DCC: variants seen among roughly 807,000 people sequenced by gnomAD.
DCC encodes the protein netrin receptor DCC.
Under a neutral mutation model 172.5 loss-of-function variants are expected in DCC, and 58 were observed. The observed-to-expected ratio is 0.34, with a 90% CI of 0.27 to 0.42. The LOEUF (loss-of-function observed/expected upper bound fraction) is 0.42, where lower values mean the gene tolerates loss of function less well. Ranked by LOEUF, DCC falls within the 10% of genes least tolerant of loss-of-function variation. The pLI, the probability that DCC is intolerant of heterozygous loss-of-function variation, is 1.00. For synonymous variants in DCC, 709 were observed against 644.5 expected, an observed-to-expected ratio of 1.10 and a Z score of -1.52; for missense variants, 1,740 against 1,791.0, an observed-to-expected ratio of 0.97 and a Z score of 0.51.
At chr18:53,495,055 C>T (rs2046003290) in intron 26 of DCC, among the ~76,000 whole-genome samples, 1 of 152,118 alleles carries the variant, frequency 6.6e-6, no homozygotes. Flanking sequence ...TTCTCTTTCA[C>T]TTACAAAGCT....
At chr18:53,352,708 A>G (rs2057826721) in intron 15 of DCC, among the ~76,000 whole-genome samples, 1 of 152,142 alleles carries the variant, frequency 6.6e-6, no homozygotes, top group African/African-American at 2.4e-5. Context: ...AAGTGTTTAG[A>G]CCATTTACAT....
intron 1 of DCC, among the ~76,000 whole-genome samples, chr18:52,504,911 T>C (rs1352623130): frequency 6.6e-6 from 1 of 152,200 alleles, no homozygotes; most frequent in Non-Finnish European, 1.5e-5. Flanking sequence ...TGACATACAG[T>C]GAGCACCCTA....
chr18:53,189,151 TTGTA>T lies in DCC; in HGVS notation c.1573+10041_1573+10044del, dbSNP rs1325202061. 5.9e-5 allele frequency among the ~76,000 whole-genome samples: 9 copies of T among 152,250 alleles called. No individual in the cohort carries two copies. In the East Asian group the frequency reaches 1.2e-3, roughly 20 times the overall value. ...GCAAACTATGAAGTATATATTATGT[TTGTA>T]TGTATTTATGTGCATGTATATATAT... On this transcript the variant is annotated intron_variant, in intron 9 of 28. Transcript: ENST00000442544.
intron 25 of DCC, among the ~76,000 whole-genome samples, chr18:53,482,381 G>A (rs919710245): frequency 6.6e-6 from 1 of 152,008 alleles, no homozygotes; most frequent in African/African-American, 2.4e-5. Context: ...TTGTAATCAG[G>A]TCAGCAGCAA....
At chr18:53,489,662 G>C (rs2045939460) in intron 26 of DCC, among the ~76,000 whole-genome samples, 1 of 152,176 alleles carries the variant, frequency 6.6e-6, no homozygotes, top group African/African-American at 2.4e-5. Context: ...GAAATGAAAT[G>C]AATCACTAAA....
intron 27 of DCC, 24 bp from the exon 28 acceptor site, chr18:53,526,593 T>C (rs760639488): frequency 1.7e-5 from 28 of 1,612,396 alleles, no homozygotes; most frequent in Admixed American, 8.4e-5. Context: ...TACATTACTT[T>C]CATCACTGTG....
chr18:53,118,147 T>G (rs369795700), intron 7 of DCC, among the ~76,000 whole-genome samples: 1 of 151,946 alleles, frequency 6.6e-6, no homozygotes, highest in Admixed American at 6.6e-5. Context: ...TTATGTGTGT[T>G]ATTTTTTATC....
intron 2 of DCC, among the ~76,000 whole-genome samples, chr18:52,874,137 C>A (rs1305744631): frequency 6.6e-6 from 1 of 152,038 alleles, no homozygotes; most frequent in African/African-American, 2.4e-5. Flanking sequence ...AAACACTTAC[C>A]CTAAACTTAA....
At chr18:52,636,347 G>C (rs2034780167) in intron 1 of DCC, among the ~76,000 whole-genome samples, 1 of 150,108 alleles carries the variant, frequency 6.7e-6, no homozygotes, top group African/African-American at 2.5e-5. Context: ...ACAGAACTTG[G>C]GGGAGGGCAC....
chr18:53,434,304 C>G (rs1009735198), intron 21 of DCC, among the ~76,000 whole-genome samples: 3 of 152,120 alleles, frequency 2.0e-5, no homozygotes, highest in Non-Finnish European at 4.4e-5. Context: ...AGATTCACCT[C>G]TCAAATGTTT....
At chr18:53,199,656 A>G (rs1213489198) in intron 9 of DCC, among the ~76,000 whole-genome samples, 28 of 152,002 alleles carry the variant, frequency 1.8e-4, no homozygotes, top group Admixed American at 1.8e-3. Context: ...TATTAGGGAA[A>G]TAATGAATTT....
chr18:53,495,966 A>G (rs1012219047), intron 26 of DCC, among the ~76,000 whole-genome samples: 25 of 152,126 alleles, frequency 1.6e-4, no homozygotes, highest in Non-Finnish European at 4.4e-5. Flanking sequence ...TCAGGGACTT[A>G]TAGGTAAAAA....
At chr18:53,018,383 G>T (rs4076845) in intron 5 of DCC, among the ~76,000 whole-genome samples, 19,551 of 152,156 alleles carry the variant, frequency 0.13, 1,509 homozygotes, top group East Asian at 0.31. Context: ...TGGCTTTAAG[G>T]AAGATACATT....
chr18:53,049,813 C>T (rs1174333501), intron 5 of DCC, among the ~76,000 whole-genome samples: 2 of 151,782 alleles, frequency 1.3e-5, no homozygotes, highest in Non-Finnish European at 2.9e-5. Flanking sequence ...TCTAGAGGGA[C>T]GAAATGAATA....
At chr18:53,061,006 T>C (rs2042488111) in intron 5 of DCC, among the ~76,000 whole-genome samples, 1 of 152,214 alleles carries the variant, frequency 6.6e-6, no homozygotes, top group Non-Finnish European at 1.5e-5. Flanking sequence ...TATTTTAGTA[T>C]AGTTACATAC....
chr18:52,373,204 A>G (rs1285507828), intron 1 of DCC, among the ~76,000 whole-genome samples: 15 of 152,184 alleles, frequency 9.9e-5, no homozygotes, highest in Admixed American at 9.8e-4. Flanking sequence ...ACTAATGGCC[A>G]TACAGTTTTT....
At position 53,300,376 on chromosome 18, in the gene DCC, C is replaced by T. The variant is rs112544827; in HGVS notation, c.1912-5202C>T. Among the ~76,000 whole-genome samples, 784 of 152,198 alleles carry T rather than the reference C, an allele frequency of 5.2e-3. 5 individuals are homozygous for T. Among genetic ancestry groups the T allele is most frequent in the Admixed American group, 0.01 (155 of 15,292 alleles). On this transcript the variant is annotated intron_variant, in intron 12 of 28. Coordinates refer to ENST00000442544, the MANE Select transcript of DCC (RefSeq NM_005215.4). Reference sequence around the variant, plus strand: ...TTAGCCCTCATACTGTAAACAAGCACCCTTTTTGAGGTCCATTTGGTGCCA... The same window carrying T: ...TTAGCCCTCATACTGTAAACAAGCATCCTTTTTGAGGTCCATTTGGTGCCA...
chr18:52,469,119 G>A (rs974248703), intron 1 of DCC, among the ~76,000 whole-genome samples: 1 of 151,934 alleles, frequency 6.6e-6, no homozygotes, highest in Non-Finnish European at 1.5e-5. Flanking sequence ...GTGCAGTGGC[G>A]CGATCTCAGC....
intron 1 of DCC, among the ~76,000 whole-genome samples, chr18:52,703,887 C>T (rs2145041175): frequency 6.6e-6 from 1 of 152,100 alleles, no homozygotes; most frequent in Non-Finnish European, 1.5e-5. Context: ...GATGGAACAA[C>T]ATAGGGTCCA....
Sources: gnomAD v4.1 joint callset for allele counts (sites outside exome capture counted in the v4.1 genomes callset) on GRCh38, gnomAD v4.1.1 for gene constraint, MANE v1.5 for transcripts, NCBI Gene and HGNC (gene_info 2026-07-23, HGNC 2026-07-21) for gene names.